IPO7: variants seen among roughly 807,000 people sequenced by gnomAD.
The protein encoded by IPO7 is importin 7.
A neutral mutation model predicts 136.4 loss-of-function variants in IPO7; 13 were observed. The observed-to-expected ratio is 0.10, with a 90% CI of 0.06 to 0.15. The LOEUF (loss-of-function observed/expected upper bound fraction) is 0.15, where lower values mean the gene tolerates loss of function less well. Ranked by LOEUF, IPO7 falls within the 10% of genes least tolerant of loss-of-function variation. IPO7 has a pLI of 1.00. For synonymous variants in IPO7, 403 were observed against 404.4 expected (o/e 1.00, Z 0.04); for missense variants, 857 against 1,240.6 (o/e 0.69, Z 4.65).
In IPO7 at chr11:9,411,141, G is replaced by A. The variant is rs118128858; in HGVS notation, c.479+1055G>A. On this transcript the variant is annotated intron_variant, in intron 4 of 24. Coordinates refer to ENST00000379719, the MANE Select transcript of IPO7 (RefSeq NM_006391.3). ...AAAACAATAAGCTGTCAATATCATTGAGGAGGTTCAAGGCCCTCCTGTCCC... is the reference window on the plus strand; with the variant it reads ...AAAACAATAAGCTGTCAATATCATTAAGGAGGTTCAAGGCCCTCCTGTCCC... Among the ~76,000 whole-genome samples the A allele has an allele frequency of 3.5e-4, 54 of 152,276 alleles. No individual in the cohort carries two copies. In the East Asian group the frequency reaches 8.9e-3, roughly 25 times the overall value.
chr11:9,397,332 T>TAAAAAAAAAAAAAAAAAAA lies in IPO7; in HGVS notation c.85-5958_85-5957insAAAAAAAAAAAAAAAAAAA, dbSNP rs757736784. On this transcript the variant is annotated intron_variant, in intron 1 of 24. Coordinates refer to ENST00000379719, the MANE Select transcript of IPO7 (RefSeq NM_006391.3). Reference sequence around the variant, plus strand: ...AAACCCCGTCTTTACTAAAAATAATTTAAAAAAAAATATATATATATATAT... The same window carrying TAAAAAAAAAAAAAAAAAAA: ...AAACCCCGTCTTTACTAAAAATAATTAAAAAAAAAAAAAAAAAAATAAAAAAAAATATATATATATATAT... Among the ~76,000 whole-genome samples, 27 of 12,134 alleles carry TAAAAAAAAAAAAAAAAAAA rather than the reference T, an allele frequency of 2.2e-3. 12 individuals are homozygous for TAAAAAAAAAAAAAAAAAAA. The highest frequency in any genetic ancestry group is 3.2e-3 in the Admixed American group (2 of 632). The allele number at this position is 12,134 out of a possible 152,430, so 8.0% of individuals were successfully genotyped here.
chr11:9,438,058 T>G (rs759528736), intron 21 of IPO7, 22 bp from the exon 22 acceptor site: 23 of 501,330 alleles, frequency 4.6e-5, no homozygotes, highest in East Asian at 2.2e-4. Context: ...TTTTTTTTTT[T>G]TTTTTTTTTT....
chr11:9,445,768 A>T lies in IPO7; in HGVS notation c.*574A>T, dbSNP rs1490523158. On this transcript the variant is annotated 3_prime_UTR_variant, in exon 25 of 25. Coordinates refer to ENST00000379719, the MANE Select transcript of IPO7 (RefSeq NM_006391.3). ...TTGGACATTTATTGTAGCACTACAT[A>T]ACTGATTATAAAAATCTGTAAATGA... The T allele has an allele frequency of 6.6e-6, 1 of 152,164 alleles. No homozygotes were observed. Among genetic ancestry groups the T allele is most frequent in the African/African-American group, 2.4e-5 (1 of 41,438 alleles). The allele number at this position is 152,164 out of a possible 1,614,324, so 9.4% of individuals were successfully genotyped here. A position where few individuals can be genotyped will look rare whatever the true frequency, so the allele number is the denominator to read the frequency against.
chr11:9,426,164 C>T (rs1031102766), intron 12 of IPO7, among the ~76,000 whole-genome samples: 2 of 152,214 alleles, frequency 1.3e-5, no homozygotes, highest in African/African-American at 2.4e-5. Flanking sequence ...TATACATTAG[C>T]AGTCACTCCA....
At chr11:9,439,745 T>G (rs1184362865) in intron 22 of IPO7, among the ~76,000 whole-genome samples, 1 of 151,990 alleles carries the variant, frequency 6.6e-6, no homozygotes, top group Admixed American at 6.6e-5. Context: ...CGGCTAATTT[T>G]TGTATTTTTA....
intron 4 of IPO7, among the ~76,000 whole-genome samples, chr11:9,411,511 A>G (rs1407715546): frequency 6.6e-6 from 1 of 152,190 alleles, no homozygotes; most frequent in African/African-American, 2.4e-5. Context: ...AGACTGCTTA[A>G]TGGTGCTGAT....
intron 3 of IPO7, among the ~76,000 whole-genome samples, 155 bp from the exon 4 acceptor site, chr11:9,409,773 T>C (rs776270222): frequency 2.0e-5 from 3 of 152,250 alleles, no homozygotes; most frequent in Non-Finnish European, 4.4e-5. Flanking sequence ...GTTTGCTCAG[T>C]GACTTATTCT....
intron 5 of IPO7, among the ~76,000 whole-genome samples, chr11:9,416,260 T>C (rs78793710): frequency 5.3e-5 from 8 of 152,224 alleles, no homozygotes; most frequent in Non-Finnish European, 1.0e-4. Flanking sequence ...TGCATGTCTT[T>C]GCTAGATCTT....
intron 1 of IPO7, among the ~76,000 whole-genome samples, chr11:9,397,651 AT>A (rs924754444): frequency 2.0e-5 from 3 of 151,772 alleles, no homozygotes; most frequent in African/African-American, 7.3e-5. Flanking sequence ...CTCAAGAGAG[AT>A]TGTATACGCA....
rs1259551266 is a variant in IPO7, at chr11:9,445,293, TA to T, written c.*101del. The T allele has an allele frequency of 2.2e-6, 1 of 459,710 alleles. No individual in the cohort carries two copies. Among genetic ancestry groups the T allele is most frequent in the African/African-American group, 2.3e-5 (1 of 44,074 alleles). 28.5% of individuals were successfully genotyped at this position (459,710 alleles called of 1,614,324 possible). On this transcript the variant is annotated 3_prime_UTR_variant, in exon 25 of 25. Transcript: ENST00000379719. Reference sequence around the variant, plus strand: ...GTTCATGTTATCTATTCTAAACTAATAATCAATAGATGGACAAAAGAAACAA... The same window carrying T: ...GTTCATGTTATCTATTCTAAACTAATATCAATAGATGGACAAAAGAAACAA...
chr11:9,390,245 A>G (rs1854610006), intron 1 of IPO7, among the ~76,000 whole-genome samples: 2 of 151,744 alleles, frequency 1.3e-5, no homozygotes, highest in Admixed American at 6.6e-5. Context: ...CTTTATATGA[A>G]AAAGTGATCT....
intron 1 of IPO7, among the ~76,000 whole-genome samples, chr11:9,396,579 C>T (rs999229875): frequency 4.6e-5 from 7 of 152,250 alleles, no homozygotes; most frequent in East Asian, 1.9e-4. Context: ...CTCCGCATTC[C>T]GCCCCGACCC....
At position 9,404,563 on chromosome 11, in the gene IPO7, ATTT is replaced by A. The variant is rs545909983; in HGVS notation, c.166+1210_166+1212del. ...TTCTTTACATAGTTCCGGTCTTCGGATTTTTTTTTTTTTTTTTTTTGAGACGGA... is the reference window on the plus strand; with the variant it reads ...TTCTTTACATAGTTCCGGTCTTCGGATTTTTTTTTTTTTTTTTGAGACGGA... On this transcript the variant is annotated intron_variant, in intron 2 of 24. Transcript: ENST00000379719. 3.1e-3 allele frequency among the ~76,000 whole-genome samples: 360 copies of A among 114,576 alleles called. 2 individuals carry two copies. The highest frequency in any genetic ancestry group is 4.8e-3 in the Middle Eastern group (1 of 208). The allele number at this position is 114,576 out of a possible 152,430, so 75.2% of individuals were successfully genotyped here.
rs760863931 is a variant in IPO7 at position 9,430,907 on chromosome 11, G to A, written c.1785G>A (p.Gly595=). The A allele has an allele frequency of 3.7e-6, 6 of 1,611,802 alleles. No individual in the cohort carries two copies. The East Asian group carries it at 6.7e-5, about 18-fold the overall frequency. The change falls in exon 16 of 25, where the codon GGG becomes GGA. Residue 595 remains glycine (G), a synonymous_variant. Transcript: ENST00000379719. ...CATTTAACCAAGTAATCCAGACGGG[G>A]CCAGATGAAGAAGGTAGTGATGACA... ...AMTFNQVIQT[G]PDEEGSDDKA... is the part of the protein sequence containing the mutation.
At chr11:9,392,398 A>T (rs750108234) in intron 1 of IPO7, 28 of 228,554 alleles carry the variant, frequency 1.2e-4, no homozygotes, top group Non-Finnish European at 2.2e-4. Flanking sequence ...CTGGTCTCGA[A>T]CTCCCGAGAT....
At chr11:9,432,883 C>A (rs910088833) in intron 16 of IPO7, among the ~76,000 whole-genome samples, 14 of 151,916 alleles carry the variant, frequency 9.2e-5, no homozygotes, top group African/African-American at 3.4e-4. Context: ...AGCAATAATG[C>A]CTTCCTTCGG....
Position 9,420,415 on chromosome 11 carries a change from C to T in IPO7, c.731C>T (p.Thr244Ile). Residue 244 changes from threonine to isoleucine, a missense_variant, in exon 7 of 25, where the codon ACA (threonine) becomes ATA (isoleucine). Around this residue, in one of 11 missense-constraint regions of IPO7, gnomAD observed 287 missense variants for 307.5 expected, o/e 0.93. Coordinates refer to ENST00000379719, the MANE Select transcript of IPO7 (RefSeq NM_006391.3). ...TVVNRDVPNE[T>I]LQVEEDDRPE... is the part of the protein sequence containing the mutation. ...TAAATAAGTGTCTTTTTAAAGGAAA[C>T]ACTTCAAGTTGAAGAAGATGATCGA... 6.2e-7 allele frequency: 1 copy of T among 1,600,588 alleles called. No individual in the cohort carries two copies. The highest frequency in any genetic ancestry group is 8.5e-7 in the Non-Finnish European group (1 of 1,169,702).
intron 1 of IPO7, among the ~76,000 whole-genome samples, chr11:9,397,341 A>AAAAAAAAAAAAAAAATATATATATAT: frequency 1.2e-3 from 13 of 10,760 alleles, no homozygotes; most frequent in Admixed American, 4.2e-3. Flanking sequence ...TTTAAAAAAA[A>AAAAAAAAAAAAAAAATATATATATAT]ATATATATAT....
In IPO7 at chr11:9,424,765, T is replaced by G. The variant is rs1405127174; in HGVS notation, c.1142-149T>G. On this transcript the variant is annotated intron_variant, in intron 10 of 24. Transcript: ENST00000379719. ...TCAAAACAAACAAAAGCATTCAATT[T>G]GTACAGAAAAGACATTGAATTCTGC... 9 of 573,844 alleles carry G rather than the reference T, an allele frequency of 1.6e-5. No homozygotes were observed. The East Asian group carries it at 2.9e-4, about 18-fold the overall frequency. The allele number at this position is 573,844 out of a possible 1,614,324, so 35.5% of individuals were successfully genotyped here.
Sources: allele counts gnomAD v4.1 joint callset (sites outside exome capture counted in the v4.1 genomes callset), GRCh38; gene constraint gnomAD v4.1.1; regional missense constraint gnomAD v4.1.1; transcripts MANE v1.5; gene names NCBI Gene and HGNC (gene_info 2026-07-23, HGNC 2026-07-21).